Variants in PCDH15 observed in about 807,000 individuals in gnomAD.
PCDH15 encodes the protein protocadherin-15.
Under a neutral mutation model 178.5 loss-of-function variants are expected in PCDH15, and 129 were observed. That is an observed-to-expected ratio of 0.72 (90% confidence interval 0.63 to 0.84). PCDH15 has a LOEUF of 0.84. Ranked by LOEUF, PCDH15 falls within the 40% of genes least tolerant of loss-of-function variation. The probability of loss-of-function intolerance (pLI) is 0.00; values close to 1 mark genes in which losing one functional copy is unlikely to be tolerated. For synonymous variants in PCDH15, 800 were observed against 732.0 expected, an observed-to-expected ratio of 1.09 and a Z score of -1.50; for missense variants, 2,230 against 2,099.9, an observed-to-expected ratio of 1.06 and a Z score of -1.21.
At chr10:54,597,789 A>G (rs2134023911) in intron 2 of PCDH15, among the ~76,000 whole-genome samples, 1 of 152,180 alleles carries the variant, frequency 6.6e-6, no homozygotes, top group South Asian at 2.1e-4. Context: ...AGAATCATAA[A>G]TGAGAAAGGG....
chr10:55,450,205 A>C (rs1839403118), intron 2 of PCDH15, among the ~76,000 whole-genome samples: 1 of 152,174 alleles, frequency 6.6e-6, no homozygotes, highest in East Asian at 1.9e-4. Context: ...AGACAAGCTA[A>C]GAGTGAATGG....
At chr10:55,402,251 T>A (rs537823339) in intron 2 of PCDH15, among the ~76,000 whole-genome samples, 1 of 152,200 alleles carries the variant, frequency 6.6e-6, no homozygotes, top group South Asian at 2.1e-4. Context: ...TTATACCTAA[T>A]AATTACATAT....
chr10:54,625,304 C>T lies in PCDH15; in HGVS notation c.91+38868G>A, dbSNP rs61213815. ...CCTGAGTTGCAGATACATTTCACAA[C>T]GACAAGGAAAGGACTACAAGTTTCC... On this transcript the variant is annotated intron_variant, in intron 2 of 37. Coordinates refer to ENST00000644397, the MANE Select transcript of PCDH15 (RefSeq NM_001384140.1). Among the ~76,000 whole-genome samples the T allele has an allele frequency of 3.7e-3, 567 of 152,180 alleles. 5 individuals carry two copies. Among genetic ancestry groups the T allele is most frequent in the African/African-American group, 0.013 (534 of 41,546 alleles).
chr10:54,824,773 T>C (rs556745309), intron 3 of PCDH15, among the ~76,000 whole-genome samples: 1 of 152,144 alleles, frequency 6.6e-6, no homozygotes, highest in Non-Finnish European at 1.5e-5. Flanking sequence ...AATAGACAGA[T>C]GGAAATAATA....
chr10:55,035,045 T>A (rs537773368), intron 2 of PCDH15, among the ~76,000 whole-genome samples: 1 of 152,104 alleles, frequency 6.6e-6, no homozygotes, highest in South Asian at 2.1e-4. Context: ...AGAAAAGAAA[T>A]GTTTTTATGT....
At chr10:54,476,102 T>G (rs2078255013) in intron 3 of PCDH15, among the ~76,000 whole-genome samples, 1 of 151,356 alleles carries the variant, frequency 6.6e-6, no homozygotes, top group Non-Finnish European at 1.5e-5. Flanking sequence ...TTTAACACTT[T>G]CATTCATAAT....
intron 32 of PCDH15, chr10:53,821,977 T>C: frequency 6.2e-7 from 1 of 1,613,970 alleles, no homozygotes; most frequent in Non-Finnish European, 8.5e-7. Flanking sequence ...GGGCACATAG[T>C]TTGAAGTTCT....
At chr10:53,972,336 T>C (rs1459066213) in intron 21 of PCDH15, among the ~76,000 whole-genome samples, 1 of 152,048 alleles carries the variant, frequency 6.6e-6, no homozygotes, top group Non-Finnish European at 1.5e-5. Flanking sequence ...ATAAAAACTC[T>C]AGAAAAAAAC....
chr10:54,454,789 G>A (rs560540652), intron 3 of PCDH15, among the ~76,000 whole-genome samples: 1 of 152,098 alleles, frequency 6.6e-6, no homozygotes, highest in African/African-American at 2.4e-5. Flanking sequence ...AAGCAAAATC[G>A]TGCAAGTATA....
At chr10:53,982,752 A>G (rs997078876) in intron 21 of PCDH15, among the ~76,000 whole-genome samples, 1 of 151,824 alleles carries the variant, frequency 6.6e-6, no homozygotes, top group Admixed American at 6.6e-5. Flanking sequence ...GCACACCAGC[A>G]TGGCACATGT....
intron 21 of PCDH15, 134 bp from the exon 22 acceptor site, chr10:53,962,026 G>A: frequency 1.4e-6 from 1 of 725,358 alleles, no homozygotes. Flanking sequence ...CATTCTTTCA[G>A]AGCTGAAATG....
At chr10:54,851,854 G>C (rs541364183) in intron 3 of PCDH15, among the ~76,000 whole-genome samples, 43 of 152,196 alleles carry the variant, frequency 2.8e-4, no homozygotes, top group African/African-American at 8.4e-4. Flanking sequence ...ACAAGTGTGA[G>C]CCACCACGAC....
At chr10:54,517,820 T>C (rs2082388414) in intron 3 of PCDH15, among the ~76,000 whole-genome samples, 1 of 151,740 alleles carries the variant, frequency 6.6e-6, no homozygotes, top group Non-Finnish European at 1.5e-5. Flanking sequence ...AGTAAAGCAC[T>C]CCCCAGCAGA....
chr10:55,374,448 T>C (rs910384687), intron 2 of PCDH15, among the ~76,000 whole-genome samples: 5 of 152,092 alleles, frequency 3.3e-5, no homozygotes, highest in Admixed American at 1.3e-4. Context: ...AGGACTCCAT[T>C]ACCAAGATGC....
At chr10:54,026,128 G>C (rs2093081687) in intron 18 of PCDH15, among the ~76,000 whole-genome samples, 1 of 151,364 alleles carries the variant, frequency 6.6e-6, no homozygotes, top group South Asian at 2.1e-4. Flanking sequence ...GTGTGCAGTG[G>C]TGTGATCTAG....
At chr10:54,371,343 C>A (rs991073926) in intron 4 of PCDH15, among the ~76,000 whole-genome samples, 3 of 151,742 alleles carry the variant, frequency 2.0e-5, no homozygotes, top group African/African-American at 4.8e-5. Flanking sequence ...CTAATGCATA[C>A]TGTACATTAA....
intron 2 of PCDH15, chr10:54,600,716 C>T (rs554640879): frequency 6.9e-5 from 37 of 534,670 alleles, no homozygotes; most frequent in South Asian, 1.9e-4. Context: ...TTAAGCCATA[C>T]GACAATTTCA....
At chr10:55,226,334 C>T (rs974848316) in intron 1 of PCDH15, among the ~76,000 whole-genome samples, 1 of 151,960 alleles carries the variant, frequency 6.6e-6, no homozygotes, top group Non-Finnish European at 1.5e-5. Context: ...TGAATACTAA[C>T]AAAACAGAAT....
intron 1 of PCDH15, among the ~76,000 whole-genome samples, chr10:54,770,154 T>C (rs887753888): frequency 6.6e-6 from 1 of 152,152 alleles, no homozygotes; most frequent in Non-Finnish European, 1.5e-5. Context: ...CTCTAAGGCA[T>C]AGAAAATTTG....
Sources: gnomAD v4.1 joint callset for allele counts (sites outside exome capture counted in the v4.1 genomes callset) on GRCh38, gnomAD v4.1.1 for gene constraint, MANE v1.5 for transcripts, NCBI Gene and HGNC (gene_info 2026-07-23, HGNC 2026-07-21) for gene names.